ZNF516: variants seen among roughly 807,000 people sequenced by gnomAD.
ZNF516 encodes the protein zinc finger protein 516.
ZNF516 carries 19 observed loss-of-function variants against 79.7 expected under a neutral mutation model. That is an observed-to-expected ratio of 0.24 (90% confidence interval 0.17 to 0.35). The LOEUF (loss-of-function observed/expected upper bound fraction) is 0.35. Among genes scored for constraint, ZNF516 ranks in the 10% least tolerant of loss-of-function variants. The pLI is 1.00. For synonymous variants in ZNF516, 877 were observed against 739.5 expected (o/e 1.19, Z -3.02); for missense variants, 1,678 against 1,679.5 (o/e 1.00, Z 0.02).
At position 76,492,988 on chromosome 18, in the gene ZNF516, T is replaced by TCA. The variant is rs777545872; in HGVS notation, c.-272+2154_-272+2155dup. On this transcript the variant is annotated intron_variant, in intron 1 of 6. Transcript: ENST00000443185. ...GGCTCATGCACGCGCACGCGCGCGCTCACACACACACCCCAAATTACCTCC... is the reference window on the plus strand; with the variant it reads ...GGCTCATGCACGCGCACGCGCGCGCTCACACACACACACCCCAAATTACCTCC... The TCA allele has an allele frequency of 7.4e-5, 73 of 985,432 alleles. No homozygotes were observed. The East Asian group carries it at 1.7e-3, about 23-fold the overall frequency. 61.0% of individuals were successfully genotyped at this position (985,432 alleles called of 1,614,324 possible).
rs5826453 is a variant in ZNF516, at chr18:76,360,645, A to AT, written c.*1852_*1853insA. ...GAAAAAAATAAGTAAAAAAAAAAAAAAATATATATATATATATATATATAT... is the reference window on the plus strand; with the variant it reads ...GAAAAAAATAAGTAAAAAAAAAAAAATAATATATATATATATATATATATAT... On this transcript the variant is annotated 3_prime_UTR_variant, in exon 7 of 7. Transcript: ENST00000443185. The AT allele has an allele frequency of 0.025, 2,830 of 112,218 alleles. 35 individuals are homozygous for AT. Among genetic ancestry groups the AT allele is most frequent in the South Asian group, 0.058 (176 of 3,044 alleles). The allele number at this position is 112,218 out of a possible 1,614,324, so 7.0% of individuals were successfully genotyped here. A position where few individuals can be genotyped will look rare whatever the true frequency, so the allele number is the denominator to read the frequency against.
At chr18:76,422,486 G>A (rs2075521468) in intron 3 of ZNF516, among the ~76,000 whole-genome samples, 1 of 152,194 alleles carries the variant, frequency 6.6e-6, no homozygotes, top group African/African-American at 2.4e-5. Flanking sequence ...AAAACAACAA[G>A]CACAACCTCA....
At position 76,370,602 on chromosome 18, in the gene ZNF516, G is replaced by T; in HGVS notation, c.3365-7C>A. On this transcript the variant is annotated splice_region_variant and splice_polypyrimidine_tract_variant and intron_variant, in intron 5 of 6. Coordinates refer to ENST00000443185, the MANE Select transcript of ZNF516 (RefSeq NM_014643.4). ...CCATCGGACTCAAACACCACTGTGG[G>T]AACAAGGGGTTTGTTAACAGATCAG... The T allele has an allele frequency of 1.3e-6, 2 of 1,594,758 alleles. No homozygotes were observed. Among genetic ancestry groups the T allele is most frequent in the South Asian group, 2.3e-5 (2 of 87,742 alleles).
chr18:76,424,382 T>TC lies in ZNF516; in HGVS notation c.1810+16862dup, dbSNP rs369160854. Among the ~76,000 whole-genome samples the TC allele has an allele frequency of 2.4e-4, 21 of 87,230 alleles. No individual in the cohort carries two copies. The South Asian group carries it at 7.5e-3, about 31-fold the overall frequency. 57.2% of individuals were successfully genotyped at this position (87,230 alleles called of 152,430 possible). A position where few individuals can be genotyped will look rare whatever the true frequency, so the allele number is the denominator to read the frequency against. On this transcript the variant is annotated intron_variant, in intron 3 of 6. Coordinates refer to ENST00000443185, the MANE Select transcript of ZNF516 (RefSeq NM_014643.4). ...AAACACCCACACGCAGGTGAAAGGGTCCCCCCCGAAACACACGCAGGTGAA... is the reference window on the plus strand; with the variant it reads ...AAACACCCACACGCAGGTGAAAGGGTCCCCCCCCGAAACACACGCAGGTGAA...
chr18:76,383,576 G>T (rs12958760), intron 3 of ZNF516, among the ~76,000 whole-genome samples: 2 of 141,736 alleles, frequency 1.4e-5, no homozygotes, highest in African/African-American at 2.7e-5. Context: ...CAGGGACCCA[G>T]GACCCTCTTC....
intron 6 of ZNF516, among the ~76,000 whole-genome samples, chr18:76,370,100 G>A (rs368397997): frequency 4.6e-5 from 7 of 152,216 alleles, no homozygotes; most frequent in African/African-American, 1.7e-4. Context: ...AGAGAAACAA[G>A]GCACAAAGCC....
intron 1 of ZNF516, among the ~76,000 whole-genome samples, chr18:76,465,718 G>T (rs994383409): frequency 6.6e-6 from 1 of 152,168 alleles, no homozygotes; most frequent in Admixed American, 6.5e-5. Context: ...CAGAAAACAC[G>T]CAAGAACCCA....
chr18:76,442,698 C>G lies in ZNF516; in HGVS notation c.357G>C (p.Lys119Asn). The G allele has an allele frequency of 6.3e-7, 1 of 1,583,020 alleles. No homozygotes were observed. Among genetic ancestry groups the G allele is most frequent in the Non-Finnish European group, 8.6e-7 (1 of 1,166,150 alleles). Residue 119 changes from lysine (K) to asparagine (N), a missense_variant, in exon 3 of 7, where the codon AAG (lysine) becomes AAC (asparagine). Lys to Asn is a moderately conservative substitution (Grantham distance 94). Around this residue, in one of 5 missense-constraint regions of ZNF516, gnomAD observed 279 missense variants for 254.1 expected, o/e 1.10. Coordinates refer to ENST00000443185, the MANE Select transcript of ZNF516 (RefSeq NM_014643.4). ...GCAGCCGGTTGCAGGCCGAGGCGCT[C>G]TTGGTGGGGCTGGCGCAGGCGTCCA... ...EGLDACASPT[K>N]SASACNRLLN...
At chr18:76,377,249 T>C (rs2074802039) in intron 4 of ZNF516, among the ~76,000 whole-genome samples, 1 of 152,192 alleles carries the variant, frequency 6.6e-6, no homozygotes, top group Non-Finnish European at 1.5e-5. Flanking sequence ...GGGACGCCAC[T>C]CCTGAGTCAC....
intron 3 of ZNF516, among the ~76,000 whole-genome samples, chr18:76,409,680 A>G (rs117974221): frequency 2.0e-5 from 3 of 152,136 alleles, no homozygotes; most frequent in Non-Finnish European, 4.4e-5. Flanking sequence ...TGGATTTGCT[A>G]CTTCACCATG....
intron 3 of ZNF516, among the ~76,000 whole-genome samples, chr18:76,415,244 ATAG>A (rs2075418249): frequency 6.6e-6 from 1 of 152,164 alleles, no homozygotes; most frequent in South Asian, 2.1e-4. Context: ...GAAAAAGAAA[ATAG>A]TAGTTTAGAG....
chr18:76,406,406 A>C (rs1157283000), intron 3 of ZNF516, among the ~76,000 whole-genome samples: 1 of 152,186 alleles, frequency 6.6e-6, no homozygotes, highest in Non-Finnish European at 1.5e-5. Context: ...TCTACTAAAA[A>C]TACAAAAATT....
At chr18:76,494,589 G>C (rs1482873574) in intron 1 of ZNF516, among the ~76,000 whole-genome samples, 1 of 151,820 alleles carries the variant, frequency 6.6e-6, no homozygotes, top group Non-Finnish European at 1.5e-5. Flanking sequence ...CCACCTCCAC[G>C]CAAACACGTC....
intron 3 of ZNF516, among the ~76,000 whole-genome samples, chr18:76,422,753 T>C (rs1266921606): frequency 6.6e-6 from 1 of 151,888 alleles, no homozygotes; most frequent in African/African-American, 2.4e-5. Flanking sequence ...ATTCCATATA[T>C]CTGGAGGATA....
intron 3 of ZNF516, chr18:76,389,121 G>C (rs2075032958): frequency 6.6e-6 from 1 of 152,232 alleles, no homozygotes; most frequent in Non-Finnish European, 1.5e-5. Context: ...TACTCGGTGA[G>C]CACTGAATGG....
chr18:76,447,271 C>A (rs1223220342), intron 2 of ZNF516, among the ~76,000 whole-genome samples: 2 of 152,222 alleles, frequency 1.3e-5, no homozygotes, highest in African/African-American at 4.8e-5. Context: ...ACGTCAGCGG[C>A]CCTGCTGGCA....
rs369338373 is a variant in ZNF516 at position 76,362,502 on chromosome 18, G to T, written c.3488C>A (p.Thr1163Asn). The change falls in exon 7 of 7, where the codon ACC becomes AAC. Residue 1163 changes from threonine (T) to asparagine (N), a missense_variant. Thr to Asn is a moderately conservative substitution (Grantham distance 65). Coordinates refer to ENST00000443185, the MANE Select transcript of ZNF516 (RefSeq NM_014643.4). The part of the protein sequence containing the change: ...TVQTVPLRKG[T>N] ...GGGTGCGTCGGAAACACGCCTTTAG[G>T]TTCCCTTTCTCAGAGGCACTGTCTG... 2.4e-5 allele frequency: 38 copies of T among 1,613,046 alleles called. No individual in the cohort carries two copies. Among genetic ancestry groups the T allele is most frequent in the Non-Finnish European group, 3.2e-5 (38 of 1,179,286 alleles).
chr18:76,372,032 G>A (rs55686926), intron 4 of ZNF516, among the ~76,000 whole-genome samples: 20,000 of 152,106 alleles, frequency 0.13, 1,678 homozygotes, highest in Non-Finnish European at 0.19. Context: ...GAGTGAGTGC[G>A]GCCACAGGGT....
At chr18:76,440,402 G>T (rs1433618819) in intron 3 of ZNF516, among the ~76,000 whole-genome samples, 1 of 152,196 alleles carries the variant, frequency 6.6e-6, no homozygotes. Flanking sequence ...AGTCAGTAAC[G>T]GCGTTGCAGA....
Sources: gnomAD v4.1 joint callset for allele counts (sites outside exome capture counted in the v4.1 genomes callset) on GRCh38, gnomAD v4.1.1 for gene constraint, gnomAD v4.1.1 regional missense constraint, MANE v1.5 for transcripts, NCBI Gene and HGNC (gene_info 2026-07-23, HGNC 2026-07-21) for gene names.